Variants in RNLS observed in about 807,000 individuals in gnomAD.
RNLS encodes renalase, FAD dependent amine oxidase.
Under a neutral mutation model 39.8 loss-of-function variants are expected in RNLS, and 39 were observed. The observed-to-expected ratio is 0.98, with a 90% CI of 0.76 to 1.28. The LOEUF is 1.28. RNLS is among the 50% of genes most tolerant of loss of function. The pLI, the probability that RNLS is intolerant of heterozygous loss-of-function variation, is 0.00. For missense variants in RNLS, 410 were observed against 413.3 expected, an observed-to-expected ratio of 0.99 and a Z score of 0.07; for synonymous variants, 147 against 150.7, an observed-to-expected ratio of 0.98 and a Z score of 0.18.
At chr10:88,489,300 C>A (rs1844751613) in intron 4 of RNLS, among the ~76,000 whole-genome samples, 1 of 152,164 alleles carries the variant, frequency 6.6e-6, no homozygotes. Context: ...TCCTCTCACT[C>A]CCATTGCTTC....
At chr10:88,335,171 G>C (rs756464551) in intron 5 of RNLS, among the ~76,000 whole-genome samples, 1 of 150,784 alleles carries the variant, frequency 6.6e-6, no homozygotes, top group African/African-American at 2.4e-5. Context: ...AGAATACATT[G>C]TATACTGGTA....
intron 4 of RNLS, among the ~76,000 whole-genome samples, chr10:88,471,694 C>G (rs990493464): frequency 6.6e-6 from 1 of 152,044 alleles, no homozygotes; most frequent in South Asian, 2.1e-4. Context: ...TTAAAATTAG[C>G]AAAGGAAAGG....
chr10:88,225,744 A>G, the RNLS span, among the ~76,000 whole-genome samples: 1 of 152,180 alleles, frequency 6.6e-6, no homozygotes, highest in African/African-American at 2.4e-5. Context: ...AAATAAAACA[A>G]GTAGGGACCA....
intron 6 of RNLS, among the ~76,000 whole-genome samples, chr10:88,299,469 A>C (rs1844345452): frequency 6.6e-6 from 1 of 152,044 alleles, no homozygotes; most frequent in Non-Finnish European, 1.5e-5. Context: ...CTAAAAATAC[A>C]AAAAAATTAG....
At chr10:88,403,469 T>C (rs774763240) in intron 4 of RNLS, among the ~76,000 whole-genome samples, 2 of 152,044 alleles carry the variant, frequency 1.3e-5, no homozygotes, top group Non-Finnish European at 2.9e-5. Context: ...CACTGAAATA[T>C]TTACAGATGA....
chr10:88,325,084 T>C (rs1276476588), intron 5 of RNLS, among the ~76,000 whole-genome samples: 1 of 152,212 alleles, frequency 6.6e-6, no homozygotes, highest in Non-Finnish European at 1.5e-5. Flanking sequence ...TTTTAGCTAT[T>C]GTAAATGATG....
chr10:88,357,116 T>G (rs1849250578), intron 5 of RNLS, among the ~76,000 whole-genome samples: 1 of 152,254 alleles, frequency 6.6e-6, no homozygotes. Flanking sequence ...CTGTTAATTA[T>G]AATAATACGT....
chr10:88,274,166 C>G (rs1429983093), exon 7 of RNLS: 1 of 152,180 alleles, frequency 6.6e-6, no homozygotes, highest in Non-Finnish European at 1.5e-5. Context: ...TAAGAAATAT[C>G]AACTTCTTTA....
At chr10:88,427,688 A>T (rs1337184408) in intron 4 of RNLS, among the ~76,000 whole-genome samples, 1 of 151,980 alleles carries the variant, frequency 6.6e-6, no homozygotes, top group African/African-American at 2.4e-5. Flanking sequence ...TGTATCAACA[A>T]CTCCATAGAA....
intron 4 of RNLS, among the ~76,000 whole-genome samples, chr10:88,508,859 T>C (rs1845936926): frequency 6.6e-6 from 1 of 152,162 alleles, no homozygotes; most frequent in South Asian, 2.1e-4. Flanking sequence ...ATTCTCATCG[T>C]TAGCTTAATG....
intron 4 of RNLS, among the ~76,000 whole-genome samples, chr10:88,494,926 A>G (rs1188851611): frequency 6.6e-6 from 1 of 152,154 alleles, no homozygotes; most frequent in Non-Finnish European, 1.5e-5. Flanking sequence ...AAGTAACAAC[A>G]TTCAACTACT....
At chr10:88,513,926 T>C (rs1846278428) in intron 4 of RNLS, among the ~76,000 whole-genome samples, 1 of 152,096 alleles carries the variant, frequency 6.6e-6, no homozygotes, top group South Asian at 2.1e-4. Flanking sequence ...TTGTTCTACA[T>C]TTATTTTAGT....
intron 4 of RNLS, among the ~76,000 whole-genome samples, chr10:88,458,546 G>A (rs1842762875): frequency 6.6e-6 from 1 of 152,146 alleles, no homozygotes; most frequent in African/African-American, 2.4e-5. Flanking sequence ...GGCATTTGTG[G>A]TAACTGTGCT....
At chr10:88,385,965 C>G (rs1419233996) in intron 4 of RNLS, among the ~76,000 whole-genome samples, 1 of 152,194 alleles carries the variant, frequency 6.6e-6, no homozygotes, top group African/African-American at 2.4e-5. Flanking sequence ...GATTTAATAG[C>G]CTGCTTGCAC....
At chr10:88,191,170 C>T in the RNLS span, among the ~76,000 whole-genome samples, 1 of 152,128 alleles carries the variant, frequency 6.6e-6, no homozygotes, top group Non-Finnish European at 1.5e-5. Flanking sequence ...GTCTTCCCAC[C>T]CACACCAATC....
At chr10:88,357,005 T>A (rs1035756861) in intron 5 of RNLS, among the ~76,000 whole-genome samples, 2 of 152,242 alleles carry the variant, frequency 1.3e-5, no homozygotes, top group African/African-American at 4.8e-5. Flanking sequence ...TTGCCCTAAC[T>A]CCTATCTGTA....
At chr10:88,561,084 C>T (rs1362010413) in intron 4 of RNLS, among the ~76,000 whole-genome samples, 1 of 151,900 alleles carries the variant, frequency 6.6e-6, no homozygotes, top group African/African-American at 2.4e-5. Flanking sequence ...AAACTGAGAC[C>T]GAAGTTTAAA....
At chr10:88,451,818 C>A (rs1842374699) in intron 4 of RNLS, among the ~76,000 whole-genome samples, 4 of 152,178 alleles carry the variant, frequency 2.6e-5, no homozygotes, top group Non-Finnish European at 5.9e-5. Context: ...ATGATCTACA[C>A]CCACTACCTT....
intron 4 of RNLS, among the ~76,000 whole-genome samples, chr10:88,497,951 A>G (rs2134093726): frequency 6.6e-6 from 1 of 152,178 alleles, no homozygotes; most frequent in East Asian, 1.9e-4. Flanking sequence ...GAGAAAAAAA[A>G]AAACCCAAAA....
Sources: allele counts gnomAD v4.1 joint callset (sites outside exome capture counted in the v4.1 genomes callset), GRCh38; gene constraint gnomAD v4.1.1; transcripts MANE v1.5; gene names NCBI Gene and HGNC (gene_info 2026-07-23, HGNC 2026-07-21).